ADK: variants seen among roughly 807,000 people sequenced by gnomAD.
ADK encodes adenosine kinase.
Under a neutral mutation model 44.7 loss-of-function variants are expected in ADK, and 24 were observed. That is an observed-to-expected ratio of 0.54 (90% CI 0.39 to 0.76). ADK has a LOEUF of 0.76. Ranked by LOEUF, ADK falls within the 30% of genes least tolerant of loss-of-function variation. ADK has a pLI of 0.00. For synonymous variants in ADK, 128 were observed against 142.6 expected (o/e 0.90, Z 0.73); for missense variants, 321 against 425.1 (o/e 0.76, Z 2.15).
chr10:74,238,344 C>T lies in ADK; in HGVS notation c.194+13753C>T, dbSNP rs371626525. Among the ~76,000 whole-genome samples, 62 of 152,224 alleles carry T rather than the reference C, an allele frequency of 4.1e-4. 1 individual carries two copies. In the Middle Eastern group the frequency reaches 0.01, roughly 25 times the overall value. Reference sequence around the variant, plus strand: ...AAAAATTAGAGCTCCACTGGCAACGCGGAAATGGCTGTTGACTTGGCAACT... The same window carrying T: ...AAAAATTAGAGCTCCACTGGCAACGTGGAAATGGCTGTTGACTTGGCAACT... On this transcript the variant is annotated intron_variant, in intron 3 of 10. Coordinates refer to ENST00000539909, the MANE Select transcript of ADK (RefSeq NM_006721.4).
intron 10 of ADK, among the ~76,000 whole-genome samples, chr10:74,702,571 C>CCTTCCTTCCT (rs1554900319): frequency 1.4e-5 from 2 of 144,218 alleles, no homozygotes; most frequent in South Asian, 2.2e-4. Context: ...TTCCTTCCTT[C>CCTTCCTTCCT]CTCTCTCTCT....
At chr10:74,691,662 A>G (rs1855993671) in intron 10 of ADK, among the ~76,000 whole-genome samples, 1 of 152,148 alleles carries the variant, frequency 6.6e-6, no homozygotes, top group Non-Finnish European at 1.5e-5. Context: ...GGCTTGTCAC[A>G]GTGTCTTCTG....
intron 2 of ADK, among the ~76,000 whole-genome samples, chr10:74,208,399 T>A (rs528488622): frequency 2.8e-4 from 43 of 152,392 alleles, no homozygotes; most frequent in Non-Finnish European, 5.4e-4. Flanking sequence ...AGCCTGCTGC[T>A]GCCATCAATG....
At chr10:74,383,914 A>G (rs570904590) in intron 4 of ADK, among the ~76,000 whole-genome samples, 5 of 152,284 alleles carry the variant, frequency 3.3e-5, no homozygotes, top group East Asian at 1.9e-4. Context: ...GCTGTTCTCA[A>G]ATTCCTTCAG....
chr10:74,412,150 A>G (rs1336274407), intron 6 of ADK, among the ~76,000 whole-genome samples: 2 of 152,034 alleles, frequency 1.3e-5, no homozygotes, highest in Non-Finnish European at 2.9e-5. Flanking sequence ...ACTCCTATTA[A>G]TGTTAATATT....
chr10:74,530,292 T>G (rs538280645), intron 7 of ADK, among the ~76,000 whole-genome samples: 1 of 152,252 alleles, frequency 6.6e-6, no homozygotes, highest in Admixed American at 6.5e-5. Context: ...AATATAGTTA[T>G]CAGAGAATAT....
At chr10:74,496,107 C>T (rs1847675123) in intron 6 of ADK, among the ~76,000 whole-genome samples, 1 of 152,126 alleles carries the variant, frequency 6.6e-6, no homozygotes, top group Non-Finnish European at 1.5e-5. Context: ...TATATTTTGG[C>T]ATCAGAAATA....
intron 7 of ADK, among the ~76,000 whole-genome samples, chr10:74,570,979 T>G (rs1422737232): frequency 6.6e-6 from 1 of 152,236 alleles, no homozygotes; most frequent in Non-Finnish European, 1.5e-5. Flanking sequence ...CCTAATTTAT[T>G]GAGAGTTTTT....
chr10:74,648,415 C>T (rs1338421325), intron 9 of ADK, among the ~76,000 whole-genome samples: 1 of 152,180 alleles, frequency 6.6e-6, no homozygotes, highest in Non-Finnish European at 1.5e-5. Flanking sequence ...CGCCGTGGCT[C>T]ACACCTGTAA....
chr10:74,357,878 G>A (rs1435361201), intron 4 of ADK, among the ~76,000 whole-genome samples: 3 of 152,020 alleles, frequency 2.0e-5, no homozygotes, highest in African/African-American at 7.2e-5. Flanking sequence ...ATATCTGGTG[G>A]CGAAATTATA....
At chr10:74,386,860 C>G (rs1843159742) in intron 4 of ADK, among the ~76,000 whole-genome samples, 1 of 152,088 alleles carries the variant, frequency 6.6e-6, no homozygotes, top group African/African-American at 2.4e-5. Context: ...CACAGAGAGT[C>G]TTCAGGGTAT....
At chr10:74,299,587 C>T (rs536827462) in intron 3 of ADK, among the ~76,000 whole-genome samples, 110 of 145,956 alleles carry the variant, frequency 7.5e-4, no homozygotes, top group African/African-American at 2.5e-3. Context: ...CTCCACTTAA[C>T]CTTTTTGCTC....
intron 6 of ADK, among the ~76,000 whole-genome samples, chr10:74,510,999 T>A (rs1016102522): frequency 6.6e-6 from 1 of 152,166 alleles, no homozygotes; most frequent in Non-Finnish European, 1.5e-5. Context: ...TGAGCCACCA[T>A]GCCCAGCCTC....
chr10:74,391,207 T>C (rs925290813), intron 4 of ADK, among the ~76,000 whole-genome samples: 6 of 152,198 alleles, frequency 3.9e-5, no homozygotes, highest in African/African-American at 1.4e-4. Context: ...GCATTATTTT[T>C]TCTATGTGCT....
intron 9 of ADK, among the ~76,000 whole-genome samples, chr10:74,651,088 G>A (rs888188189): frequency 6.6e-6 from 1 of 152,148 alleles, no homozygotes. Flanking sequence ...TGATATTTGG[G>A]GTGGTGGTGG....
At chr10:74,288,979 A>T (rs1170410957) in intron 3 of ADK, among the ~76,000 whole-genome samples, 1 of 152,244 alleles carries the variant, frequency 6.6e-6, no homozygotes, top group Non-Finnish European at 1.5e-5. Flanking sequence ...ATGAGTGGCT[A>T]CTTTGAAAAT....
chr10:74,427,063 G>A (rs776658650), intron 6 of ADK, among the ~76,000 whole-genome samples: 108 of 152,242 alleles, frequency 7.1e-4, no homozygotes, highest in Middle Eastern at 3.4e-3. Flanking sequence ...AGGGGATAAA[G>A]AAGAAAGAAA....
intron 3 of ADK, among the ~76,000 whole-genome samples, chr10:74,257,769 T>C (rs767649119): frequency 1.3e-5 from 2 of 152,162 alleles, no homozygotes; most frequent in Non-Finnish European, 2.9e-5. Flanking sequence ...ATTTAAACTA[T>C]AGAAAAAAAT....
intron 1 of ADK, among the ~76,000 whole-genome samples, chr10:74,199,173 C>T (rs1843276157): frequency 6.6e-6 from 1 of 152,192 alleles, no homozygotes; most frequent in Non-Finnish European, 1.5e-5. Flanking sequence ...TGCTTGTACT[C>T]TTCCAGGATG....
Sources: gnomAD v4.1 joint callset for allele counts (sites outside exome capture counted in the v4.1 genomes callset) on GRCh38, gnomAD v4.1.1 for gene constraint, MANE v1.5 for transcripts, NCBI Gene and HGNC (gene_info 2026-07-23, HGNC 2026-07-21) for gene names.